The following PCDHA9 variants were observed in gnomAD, a reference collection of about 807,000 sequenced individuals.
PCDHA9 encodes protocadherin alpha 9.
A neutral mutation model predicts 62.0 loss-of-function variants in PCDHA9; 62 were observed. The observed-to-expected ratio is 1.00, with a 90% CI of 0.81 to 1.23. The LOEUF is 1.23. Among genes scored for constraint, PCDHA9 ranks in the 50% most tolerant of loss-of-function variants. The pLI is 0.00. For missense variants in PCDHA9, 1,205 were observed against 1,249.8 expected (o/e 0.96, Z 0.54); for synonymous variants, 557 against 567.6 (o/e 0.98, Z 0.27).
chr5:140,972,540 T>G (rs1375467339), intron 1 of PCDHA9, among the ~76,000 whole-genome samples: 2 of 152,148 alleles, frequency 1.3e-5, no homozygotes, highest in Non-Finnish European at 2.9e-5. Flanking sequence ...AAATCACTTG[T>G]GCAGTGAGGA....
chr5:140,914,262 G>A (rs1583899691), intron 1 of PCDHA9, among the ~76,000 whole-genome samples: 1 of 152,008 alleles, frequency 6.6e-6, no homozygotes, highest in Non-Finnish European at 1.5e-5. Flanking sequence ...CTTCAATGGT[G>A]GGTGCATATA....
intron 1 of PCDHA9, among the ~76,000 whole-genome samples, chr5:140,880,368 T>G (rs1372331901): frequency 6.6e-6 from 1 of 152,170 alleles, no homozygotes; most frequent in African/African-American, 2.4e-5. Context: ...ATGAAAACCA[T>G]GAGAGAATAG....
At chr5:140,853,708 A>G (rs535294888) in intron 1 of PCDHA9, 3 of 986,248 alleles carry the variant, frequency 3.0e-6, no homozygotes, top group South Asian at 9.5e-5. Flanking sequence ...ACGCATTAGC[A>G]TTAGCAGCAC....
chr5:140,923,489 A>C (rs549066009), intron 1 of PCDHA9, among the ~76,000 whole-genome samples: 2 of 152,182 alleles, frequency 1.3e-5, no homozygotes, highest in Non-Finnish European at 2.9e-5. Flanking sequence ...TCTTCACACC[A>C]CTGCACTCCA....
intron 1 of PCDHA9, chr5:140,858,353 G>A (rs782457995): frequency 6.3e-7 from 1 of 1,593,918 alleles, no homozygotes; most frequent in Non-Finnish European, 8.6e-7. Context: ...GGACCTCATG[G>A]CCTTCAGCCC....
At chr5:141,002,435 C>A (rs958320342) in intron 3 of PCDHA9, among the ~76,000 whole-genome samples, 3 of 152,280 alleles carry the variant, frequency 2.0e-5, no homozygotes, top group South Asian at 2.1e-4. Flanking sequence ...AGGCAATAAC[C>A]ATAATAATTG....
chr5:140,896,718 T>C (rs1331880145), intron 1 of PCDHA9, among the ~76,000 whole-genome samples: 1 of 152,138 alleles, frequency 6.6e-6, no homozygotes, highest in East Asian at 1.9e-4. Context: ...TTTTGCTTGT[T>C]AATTTGTTTA....
intron 1 of PCDHA9, chr5:140,968,160 A>G: frequency 7.4e-6 from 12 of 1,614,104 alleles, no homozygotes; most frequent in Non-Finnish European, 1.0e-5. Context: ...ATCAATGACA[A>G]TCCACCAAGC....
At position 140,850,283 on chromosome 5, in the gene PCDHA9, A is replaced by G. The variant is rs143335350; in HGVS notation, c.1788A>G (p.Ala596=). Residue 596 remains alanine (A), a synonymous_variant, in exon 1 of 4, where the codon GCA becomes GCG. Coordinates refer to ENST00000532602, the MANE Select transcript of PCDHA9 (RefSeq NM_031857.2). ...GCGTAGTGGTGGGGAAGGTGCGCGC[A>G]GTGGACGCCGACTCGGGCTACAACG... ...GAGVVVGKVR[A]VDADSGYNAW... is the part of the protein sequence containing the mutation. 1.9e-6 allele frequency: 3 copies of G among 1,595,592 alleles called. No homozygotes were observed. Among genetic ancestry groups the G allele is most frequent in the Non-Finnish European group, 2.6e-6 (3 of 1,167,540 alleles).
chr5:140,949,958 T>G (rs1192385409), intron 1 of PCDHA9, among the ~76,000 whole-genome samples: 1 of 151,896 alleles, frequency 6.6e-6, no homozygotes, highest in Non-Finnish European at 1.5e-5. Context: ...GTGGTTGCTG[T>G]AAGGATTACA....
intron 1 of PCDHA9, among the ~76,000 whole-genome samples, chr5:140,918,860 A>G (rs1264660506): frequency 6.6e-6 from 1 of 152,218 alleles, no homozygotes; most frequent in Non-Finnish European, 1.5e-5. Context: ...TGCCTGAATC[A>G]TGAACTTTCA....
chr5:140,928,824 A>C (rs782336122), intron 1 of PCDHA9: 2 of 1,614,110 alleles, frequency 1.2e-6, no homozygotes, highest in Non-Finnish European at 1.7e-6. Flanking sequence ...ATGGAGACCC[A>C]CCACTTTCCT....
At chr5:140,863,243 C>G (rs868910592) in intron 1 of PCDHA9, 1 of 1,351,802 alleles carries the variant, frequency 7.4e-7, no homozygotes, top group Non-Finnish European at 1.0e-6. Context: ...CGGGCTTTGG[C>G]GGGCGTCGAG....
chr5:140,863,361 C>T (rs1562578610), intron 1 of PCDHA9: 1 of 1,203,518 alleles, frequency 8.3e-7, no homozygotes. Flanking sequence ...CGCTGCGGTG[C>T]TTGGCGCAGC....
rs1554204719 is a variant in PCDHA9, at chr5:140,927,550, A to G, written c.2395-51399A>G. 4.3e-6 allele frequency: 7 copies of G among 1,614,020 alleles called. No homozygotes were observed. In the Admixed American group the frequency reaches 8.3e-5, roughly 19 times the overall value. ...TGCCCGCTCAGGAGACGCACAAGTC[A>G]CCATCATTGTGGTGGACACAAATGA... On this transcript the variant is annotated intron_variant, in intron 1 of 3. Coordinates refer to ENST00000532602, the MANE Select transcript of PCDHA9 (RefSeq NM_031857.2).
At chr5:140,982,608 T>G (rs782789536) in intron 3 of PCDHA9, 45 bp downstream of exon 3, 2 of 1,601,306 alleles carry the variant, frequency 1.2e-6, no homozygotes, top group South Asian at 2.2e-5. Flanking sequence ...TTCTGGAAAG[T>G]GATCAGATGA....
At chr5:140,856,118 G>T in intron 1 of PCDHA9, 2 of 1,598,234 alleles carry the variant, frequency 1.3e-6, no homozygotes, top group Non-Finnish European at 1.7e-6. Flanking sequence ...CGCAGCCTGG[G>T]AGGTGGGGAG....
At chr5:140,968,569 C>A in intron 1 of PCDHA9, 1 of 1,614,204 alleles carries the variant, frequency 6.2e-7, no homozygotes, top group Middle Eastern at 1.7e-4. Flanking sequence ...CCCCTGCTGG[C>A]TACCTGGTCA....
Position 140,849,736 on chromosome 5 carries a change from AC to A in PCDHA9, c.1243del (p.Arg415AlafsTer34). 1.3e-6 allele frequency: 2 copies of A among 1,598,292 alleles called. No homozygotes were observed. Among genetic ancestry groups the A allele is most frequent in the Non-Finnish European group, 1.7e-6 (2 of 1,167,932 alleles). ...TCGTTGGTGCTGGACAGAGCTCTGG[AC>A]CGCGAGAGTGTGTCCGCCTACGAGC... ...YYSLVLDRAL[D>X]RESVSAYELV... On this transcript the variant is annotated frameshift_variant, in exon 1 of 4. Transcript: ENST00000532602. LOFTEE classifies it high-confidence loss of function.
Sources: gnomAD v4.1 joint callset for allele counts (sites outside exome capture counted in the v4.1 genomes callset) on GRCh38, gnomAD v4.1.1 for gene constraint, MANE v1.5 for transcripts, NCBI Gene and HGNC (gene_info 2026-07-23, HGNC 2026-07-21) for gene names.